Variants in FBXW8 observed in about 807,000 individuals in gnomAD.
The protein encoded by FBXW8 is F-box and WD repeat domain containing 8, also known as F-box/WD repeat-containing protein 8.
In FBXW8, 57 loss-of-function variants were observed where a neutral mutation model predicts 65.3. The ratio of observed to expected loss-of-function variants is 0.87; its 90% CI spans 0.71 to 1.09. The LOEUF is 1.09. FBXW8 is among the 50% of genes least tolerant of loss of function. The pLI is 0.00. For missense variants in FBXW8, 777 were observed against 814.8 expected (o/e 0.95, Z 0.57); for synonymous variants, 308 against 330.2 (o/e 0.93, Z 0.73).
intron 7 of FBXW8, among the ~76,000 whole-genome samples, chr12:117,009,140 G>A (rs1026608568): frequency 6.6e-6 from 1 of 152,236 alleles, no homozygotes. Context: ...GGGAGGCCAA[G>A]GCAGGGGGAT....
intron 8 of FBXW8, among the ~76,000 whole-genome samples, chr12:117,013,980 T>G (rs896951542): frequency 1.3e-5 from 2 of 152,144 alleles, no homozygotes; most frequent in African/African-American, 4.8e-5. Context: ...TTCACTAAAT[T>G]TGGAGTTTCC....
intron 7 of FBXW8, among the ~76,000 whole-genome samples, chr12:116,998,379 TC>T (rs976132354): frequency 2.8e-5 from 2 of 70,704 alleles, no homozygotes; most frequent in African/African-American, 5.4e-5. Flanking sequence ...TTCTTGAGAC[TC>T]TAAGTTTACA....
At chr12:116,914,171 G>A (rs1174911760) in intron 1 of FBXW8, among the ~76,000 whole-genome samples, 1 of 152,164 alleles carries the variant, frequency 6.6e-6, no homozygotes, top group African/African-American at 2.4e-5. Flanking sequence ...TACTTGGGAG[G>A]CTGAGGTGGG....
intron 5 of FBXW8, among the ~76,000 whole-genome samples, chr12:116,983,507 C>G (rs1885458967): frequency 1.3e-5 from 2 of 152,166 alleles, no homozygotes; most frequent in Admixed American, 1.3e-4. Context: ...GGCAAAGCAG[C>G]CCAAATGTAT....
rs1324034116 is a variant in FBXW8 at position 117,025,737 on chromosome 12, G to A, written c.1541+1417G>A. On this transcript the variant is annotated intron_variant, in intron 9 of 10. Transcript: ENST00000652555. ...GAATTGCCACCAGGTGGTGCCAAAC[G>A]GCAACTAAAACTCCCGCACTGAAAT... Among the ~76,000 whole-genome samples the A allele has an allele frequency of 3.3e-5, 5 of 152,180 alleles. No individual in the cohort carries two copies. The East Asian group carries it at 5.8e-4, about 18-fold the overall frequency.
At position 116,936,827 on chromosome 12, in the gene FBXW8, GCGTTTAATCCATTAAAAGAA is replaced by G. The variant is rs1165033784; in HGVS notation, c.424-8535_424-8516del. Among the ~76,000 whole-genome samples, 2 of 152,144 alleles carry G rather than the reference GCGTTTAATCCATTAAAAGAA, an allele frequency of 1.3e-5. No individual in the cohort carries two copies. Among genetic ancestry groups the G allele is most frequent in the East Asian group, 3.9e-4 (2 of 5,188 alleles). On this transcript the variant is annotated intron_variant, in intron 2 of 10. Coordinates refer to ENST00000652555, the MANE Select transcript of FBXW8 (RefSeq NM_153348.3). This position sits in a 1 kb window ranked among gnomAD's most constrained non-coding sequence, Gnocchi z 4.6. Reference sequence around the variant, plus strand: ...GAGGAGAGGACTCAGGATGTGATAAGCGTTTAATCCATTAAAAGAACTCGAAGTTTTGTGAATAAGATGGG... The same window carrying G: ...GAGGAGAGGACTCAGGATGTGATAAGCTCGAAGTTTTGTGAATAAGATGGG...
chr12:116,940,105 G>A (rs1232074049), intron 2 of FBXW8, among the ~76,000 whole-genome samples: 5 of 152,216 alleles, frequency 3.3e-5, no homozygotes, highest in Admixed American at 6.5e-5. Flanking sequence ...ATGGAGAAGT[G>A]TGGGATGACA....
intron 1 of FBXW8, among the ~76,000 whole-genome samples, chr12:116,922,856 A>G (rs1033440644): frequency 5.9e-5 from 9 of 151,584 alleles, no homozygotes; most frequent in Non-Finnish European, 1.3e-4. Context: ...ATAGATTTTT[A>G]TATCTGCCTA....
intron 9 of FBXW8, among the ~76,000 whole-genome samples, chr12:117,025,000 A>T (rs1182507919): frequency 6.6e-6 from 1 of 152,118 alleles, no homozygotes; most frequent in Non-Finnish European, 1.5e-5. Context: ...ACTGGTTAAG[A>T]CATTTCCAGT....
intron 7 of FBXW8, among the ~76,000 whole-genome samples, chr12:117,007,563 T>C (rs1592951928): frequency 6.6e-6 from 1 of 152,224 alleles, no homozygotes; most frequent in East Asian, 1.9e-4. Flanking sequence ...CTCAACATCA[T>C]CTTTGGCAGC....
At chr12:117,000,402 C>T (rs1392303216) in intron 7 of FBXW8, among the ~76,000 whole-genome samples, 1 of 152,242 alleles carries the variant, frequency 6.6e-6, no homozygotes, top group Non-Finnish European at 1.5e-5. Context: ...TGAAGTTCTT[C>T]GTTAGCCTGA....
chr12:116,999,607 C>T (rs1953459716), intron 7 of FBXW8, among the ~76,000 whole-genome samples: 1 of 151,502 alleles, frequency 6.6e-6, no homozygotes, highest in Non-Finnish European at 1.5e-5. Flanking sequence ...CCTGTCAGTG[C>T]CCCTCCTCAC....
rs1179333467 is a variant in FBXW8 at position 116,936,422 on chromosome 12, G to C, written c.423+8295G>C. On this transcript the variant is annotated intron_variant, in intron 2 of 10. Transcript: ENST00000652555. This position sits in a 1 kb window ranked among gnomAD's most constrained non-coding sequence, Gnocchi z 4.6. ...CTTTCATGATAAAACGCCCTTTGCC[G>C]ATGTGATTAGGTTAAGGATCTAGAG... Among the ~76,000 whole-genome samples, 1 of 152,168 alleles carries C rather than the reference G, an allele frequency of 6.6e-6. No individual in the cohort carries two copies. The highest frequency in any genetic ancestry group is 2.4e-5 in the African/African-American group (1 of 41,424).
chr12:116,962,752 CTAG>C (rs1884063182), intron 4 of FBXW8, among the ~76,000 whole-genome samples: 1 of 152,192 alleles, frequency 6.6e-6, no homozygotes, highest in Non-Finnish European at 1.5e-5. Context: ...CCTTAAGAAT[CTAG>C]TCCCCCAGTC....
chr12:116,999,580 C>CT (rs1319568306), intron 7 of FBXW8, among the ~76,000 whole-genome samples: 1 of 152,176 alleles, frequency 6.6e-6, no homozygotes, highest in African/African-American at 2.4e-5. Context: ...CCTTTATACT[C>CT]TTGTGGCACC....
intron 2 of FBXW8, among the ~76,000 whole-genome samples, chr12:116,932,745 G>T (rs1179529546): frequency 6.6e-6 from 1 of 152,150 alleles, no homozygotes; most frequent in East Asian, 1.9e-4. Flanking sequence ...TGTTGGCCAG[G>T]ATGGTCTCCA....
chr12:116,923,615 C>CCGGGTTCA (rs1881076430), intron 1 of FBXW8, among the ~76,000 whole-genome samples: 1 of 152,002 alleles, frequency 6.6e-6, no homozygotes, highest in Non-Finnish European at 1.5e-5. Flanking sequence ...GCTCTGCCTG[C>CCGGGTTCA]CGGGTTCACG....
chr12:117,018,506 C>T (rs970520771), intron 8 of FBXW8, among the ~76,000 whole-genome samples: 3 of 152,198 alleles, frequency 2.0e-5, no homozygotes, highest in Admixed American at 6.5e-5. Context: ...CTGTGCTGCG[C>T]GCTGTCAGAT....
At chr12:117,007,350 C>T (rs749446009) in intron 7 of FBXW8, among the ~76,000 whole-genome samples, 1 of 152,104 alleles carries the variant, frequency 6.6e-6, no homozygotes, top group African/African-American at 2.4e-5. Context: ...TCTAGGTCTA[C>T]CTGCAAGCCA....
Sources: allele counts gnomAD v4.1 joint callset (sites outside exome capture counted in the v4.1 genomes callset), GRCh38; gene constraint gnomAD v4.1.1; non-coding constraint Gnocchi (gnomAD v3.1); transcripts MANE v1.5; gene names NCBI Gene and HGNC (gene_info 2026-07-23, HGNC 2026-07-21).